The following USP45 variants were observed in gnomAD, a reference collection of about 807,000 sequenced individuals.
USP45 encodes ubiquitin specific peptidase 45, also known as ubiquitin carboxyl-terminal hydrolase 45.
In USP45, 89 loss-of-function variants were observed where a neutral mutation model predicts 95.8. The ratio of observed to expected loss-of-function variants is 0.93; its 90% CI spans 0.78 to 1.11. USP45 has a LOEUF of 1.11. Among genes scored for constraint, USP45 ranks in the 50% least tolerant of loss-of-function variants. The probability of loss-of-function intolerance (pLI) is 0.00; values close to 1 mark genes in which losing one functional copy is unlikely to be tolerated. For missense variants in USP45, 898 were observed against 942.5 expected, an observed-to-expected ratio of 0.95 and a Z score of 0.62; for synonymous variants, 281 against 316.2, an observed-to-expected ratio of 0.89 and a Z score of 1.18.
At chr6:99,458,701 T>C (rs1785641742) in intron 13 of USP45, among the ~76,000 whole-genome samples, 1 of 152,178 alleles carries the variant, frequency 6.6e-6, no homozygotes. Context: ...TATGTTATGA[T>C]AGGAGAAATA....
chr6:99,505,657 A>C (rs1054279431), intron 4 of USP45, among the ~76,000 whole-genome samples: 2 of 151,982 alleles, frequency 1.3e-5, no homozygotes, highest in East Asian at 1.9e-4. Flanking sequence ...AAAAAAAAAA[A>C]AAACATAATG....
At chr6:99,506,235 T>C (rs1798493673) in intron 4 of USP45, among the ~76,000 whole-genome samples, 1 of 152,240 alleles carries the variant, frequency 6.6e-6, no homozygotes, top group Non-Finnish European at 1.5e-5. Flanking sequence ...TGGAAAATTA[T>C]TGTAAAACAC....
chr6:99,463,216 G>C (rs1786976399), intron 13 of USP45, among the ~76,000 whole-genome samples: 1 of 151,818 alleles, frequency 6.6e-6, no homozygotes, highest in Non-Finnish European at 1.5e-5. Context: ...ATTTTCATGG[G>C]ATAATTCAAC....
chr6:99,460,158 A>C (rs1259186881), intron 13 of USP45, among the ~76,000 whole-genome samples: 2 of 152,082 alleles, frequency 1.3e-5, no homozygotes, highest in African/African-American at 2.4e-5. Context: ...CATCCTTCAT[A>C]TTAAACTTTG....
At chr6:99,503,660 G>T in intron 5 of USP45, 105 bp downstream of exon 5, 1 of 735,954 alleles carries the variant, frequency 1.4e-6, no homozygotes, top group Non-Finnish European at 2.1e-6. Context: ...TCAAATTATT[G>T]GCTGGGCTGT....
chr6:99,508,910 T>A, intron 2 of USP45, 128 bp from the exon 3 acceptor site: 1 of 699,524 alleles, frequency 1.4e-6, no homozygotes, highest in Non-Finnish European at 2.3e-6. Context: ...ACAAAATAAC[T>A]CAAAAGATAT....
At chr6:99,460,943 A>G in intron 13 of USP45, 1 of 984,500 alleles carries the variant, frequency 1.0e-6, no homozygotes, top group South Asian at 4.7e-5. Flanking sequence ...TAGAAAAAAC[A>G]GCAAGATTCT....
rs529372144 is a variant in USP45, at chr6:99,509,126, C to T, written c.101-344G>A. On this transcript the variant is annotated intron_variant, in intron 2 of 17. Coordinates refer to ENST00000500704, the MANE Select transcript of USP45 (RefSeq NM_001346022.3). ...CATGTACTAAAATGGGATGATGTTT[C>T]GATAGCCAGTTTGCTGCACTGAAGG... is the stretch of plus-strand genomic sequence containing the variant. 9.2e-5 allele frequency among the ~76,000 whole-genome samples: 14 copies of T among 152,210 alleles called. No individual in the cohort carries two copies. In the South Asian group the frequency reaches 2.1e-3, roughly 23 times the overall value.
chr6:99,472,392 T>G (rs879384442), intron 9 of USP45, among the ~76,000 whole-genome samples: 12 of 152,034 alleles, frequency 7.9e-5, no homozygotes, highest in Non-Finnish European at 1.3e-4. Flanking sequence ...ATTTTTGTAT[T>G]TTTAGTAGAC....
chr6:99,510,217 G>GC lies in USP45; in HGVS notation c.3dup (p.Arg2AlafsTer7), dbSNP rs1799485112. ...AAAGCTTTAGTTGGATCTTTCACCC[G>GC]CATCTGTTATTTACTGAAGGGATTG... On this transcript the variant is annotated frameshift_variant, in exon 2 of 18. Transcript: ENST00000500704. LOFTEE classifies it high-confidence loss of function. 6.2e-7 allele frequency: 1 copy of GC among 1,612,242 alleles called. No homozygotes were observed. Among genetic ancestry groups the GC allele is most frequent in the African/African-American group, 1.3e-5 (1 of 74,892 alleles).
At chr6:99,446,552 A>G (rs1213963611) in intron 13 of USP45, 89 bp from the exon 14 acceptor site, 20 of 1,203,266 alleles carry the variant, frequency 1.7e-5, no homozygotes, top group Admixed American at 5.4e-5. Flanking sequence ...CATAGTTATT[A>G]AATACCATTT....
intron 5 of USP45, among the ~76,000 whole-genome samples, chr6:99,490,409 A>T (rs1033169311): frequency 6.6e-6 from 1 of 151,396 alleles, no homozygotes; most frequent in Non-Finnish European, 1.5e-5. Flanking sequence ...CAAACTCCTG[A>T]CCTCAAGTGA....
intron 13 of USP45, among the ~76,000 whole-genome samples, chr6:99,463,159 G>A (rs1359093738): frequency 2.0e-5 from 3 of 151,456 alleles, no homozygotes; most frequent in African/African-American, 7.3e-5. Context: ...GAAATAATAG[G>A]TCTAGACAAT....
chr6:99,507,573 T>A (rs781374817), intron 3 of USP45, 42 bp from the exon 4 acceptor site: 3 of 1,355,216 alleles, frequency 2.2e-6, no homozygotes, highest in Non-Finnish European at 2.1e-6. Context: ...CTTACAAATG[T>A]TTGTTTCAAA....
At chr6:99,514,672 A>C (rs1299676884) in intron 1 of USP45, among the ~76,000 whole-genome samples, 1 of 152,180 alleles carries the variant, frequency 6.6e-6, no homozygotes, top group African/African-American at 2.4e-5. Flanking sequence ...TCCTTAAGAA[A>C]AAAAAATCCT....
At chr6:99,465,567 T>C (rs570104927) in intron 11 of USP45, among the ~76,000 whole-genome samples, 47 of 152,280 alleles carry the variant, frequency 3.1e-4, no homozygotes, top group African/African-American at 9.9e-4. Context: ...AAAGATACTC[T>C]CTATCTTGTG....
chr6:99,492,284 T>G (rs1210014737), intron 5 of USP45, among the ~76,000 whole-genome samples: 1 of 152,220 alleles, frequency 6.6e-6, no homozygotes, highest in Non-Finnish European at 1.5e-5. Flanking sequence ...CAGCACCACC[T>G]GGCTCTCCAT....
At position 99,476,143 on chromosome 6, in the gene USP45, C is replaced by A; in HGVS notation, c.933G>T (p.Lys311Asn). The change falls in exon 9 of 18, where the codon AAG becomes AAT. Residue 311 changes from lysine to asparagine, a missense_variant and splice_region_variant. Coordinates refer to ENST00000500704, the MANE Select transcript of USP45 (RefSeq NM_001346022.3). Reference protein sequence around the residue: ...LLDAVRTEETKRIQASILKAF... With the variant: ...LLDAVRTEETNRIQASILKAF... ...CATGATATACATAAAGAAACCTGAC[C>A]TTTGTTTCTTCTGTCCTCACTGCAT... 1 of 1,612,464 alleles carries A rather than the reference C, an allele frequency of 6.2e-7. No homozygotes were observed. Among genetic ancestry groups the A allele is most frequent in the Non-Finnish European group, 8.5e-7 (1 of 1,179,054 alleles).
At chr6:99,465,416 CAG>C (rs1787682481) in intron 11 of USP45, among the ~76,000 whole-genome samples, 1 of 151,910 alleles carries the variant, frequency 6.6e-6, no homozygotes, top group African/African-American at 2.4e-5. Flanking sequence ...TTTAATAAAA[CAG>C]ATTAACTAAA....
Sources: gnomAD v4.1 joint callset for allele counts (sites outside exome capture counted in the v4.1 genomes callset) on GRCh38, gnomAD v4.1.1 for gene constraint, MANE v1.5 for transcripts, NCBI Gene and HGNC (gene_info 2026-07-23, HGNC 2026-07-21) for gene names.